The following SLC44A2 variants were observed in gnomAD, a reference collection of about 807,000 sequenced individuals.
SLC44A2 encodes the protein choline transporter-like protein 2.
SLC44A2 carries 57 observed loss-of-function variants against 90.8 expected under a neutral mutation model. The ratio of observed to expected loss-of-function variants is 0.63; its 90% CI spans 0.51 to 0.78. SLC44A2 has a LOEUF of 0.78. SLC44A2 is among the 30% of genes least tolerant of loss of function. The probability of loss-of-function intolerance (pLI) is 0.00; values close to 1 mark genes in which losing one functional copy is unlikely to be tolerated. For missense variants in SLC44A2, 794 were observed against 919.7 expected, an observed-to-expected ratio of 0.86 and a Z score of 1.77; for synonymous variants, 355 against 360.7, an observed-to-expected ratio of 0.98 and a Z score of 0.18.
At chr19:10,616,833 C>T (rs1402628714) in intron 1 of SLC44A2, among the ~76,000 whole-genome samples, 1 of 152,110 alleles carries the variant, frequency 6.6e-6, no homozygotes, top group Non-Finnish European at 1.5e-5. Flanking sequence ...GCCTGTAACT[C>T]CTGGGCTCCA....
At chr19:10,618,305 G>A (rs1184282632) in intron 1 of SLC44A2, among the ~76,000 whole-genome samples, 1 of 151,234 alleles carries the variant, frequency 6.6e-6, no homozygotes, top group Non-Finnish European at 1.5e-5. Context: ...CTCCCGAGTA[G>A]CTGGGACTAC....
intron 1 of SLC44A2, among the ~76,000 whole-genome samples, chr19:10,615,573 CA>C (rs538192367): frequency 0.023 from 2,505 of 106,964 alleles, 68 homozygotes; most frequent in African/African-American, 0.075. Flanking sequence ...GACTCCGTCT[CA>C]AAAAAAAAAA....
At chr19:10,639,991 A>T (rs2067097989) in intron 20 of SLC44A2, among the ~76,000 whole-genome samples, 1 of 150,664 alleles carries the variant, frequency 6.6e-6, no homozygotes, top group African/African-American at 2.4e-5. Context: ...AAGCCCATTG[A>T]CCTAGTTTCT....
At chr19:10,615,442 C>T (rs901937049) in intron 1 of SLC44A2, among the ~76,000 whole-genome samples, 1 of 151,990 alleles carries the variant, frequency 6.6e-6, no homozygotes, top group Non-Finnish European at 1.5e-5. Context: ...GGCATGGTGG[C>T]TCACACCTGA....
chr19:10,625,408 G>A, upstream of SLC44A2: 1 of 1,155,934 alleles, frequency 8.7e-7, no homozygotes, highest in Non-Finnish European at 1.1e-6. Context: ...GCGGCCGGCC[G>A]GTGAGTGGCG....
intron 14 of SLC44A2, chr19:10,635,783 T>C (rs2067048229): frequency 2.8e-6 from 1 of 354,872 alleles, no homozygotes; most frequent in Admixed American, 4.7e-5. Context: ...CTTTTTTTTT[T>C]TTTTTTTTTT....
intron 2 of SLC44A2, among the ~76,000 whole-genome samples, chr19:10,626,701 T>C (rs1286770011): frequency 1.3e-5 from 2 of 151,400 alleles, no homozygotes; most frequent in Admixed American, 6.6e-5. Flanking sequence ...GGATTACAGG[T>C]GTGAGTTACC....
intron 20 of SLC44A2, chr19:10,640,930 C>CA (rs753945744): frequency 8.5e-5 from 18 of 211,722 alleles, no homozygotes; most frequent in Non-Finnish European, 1.4e-4. Context: ...ACTAAAAATA[C>CA]AAAAAAATTA....
chr19:10,641,880 GT>G (rs1347477320), intron 20 of SLC44A2, among the ~76,000 whole-genome samples: 5 of 151,956 alleles, frequency 3.3e-5, no homozygotes, highest in African/African-American at 1.2e-4. Flanking sequence ...AAAAGGCCGG[GT>G]GTGCGGTGGC....
At chr19:10,641,476 T>A in intron 20 of SLC44A2, 1 of 430,500 alleles carries the variant, frequency 2.3e-6, no homozygotes, top group Non-Finnish European at 4.5e-6. Flanking sequence ...ACTTGCTCTT[T>A]GAGCTGAAAG....
chr19:10,613,363 C>T (rs1433767699), intron 1 of SLC44A2, among the ~76,000 whole-genome samples: 1 of 151,996 alleles, frequency 6.6e-6, no homozygotes, highest in African/African-American at 2.4e-5. Flanking sequence ...GATTCTCCTG[C>T]CTCAGCCTCC....
At chr19:10,642,935 C>A in intron 21 of SLC44A2, 1 of 1,595,210 alleles carries the variant, frequency 6.3e-7, no homozygotes, top group Non-Finnish European at 8.5e-7. Context: ...TCAGGAGCGA[C>A]CCTACTTCAT....
At chr19:10,636,621 C>T in intron 15 of SLC44A2, 36 bp downstream of exon 15, 7 of 1,606,588 alleles carry the variant, frequency 4.4e-6, no homozygotes, top group Non-Finnish European at 5.1e-6. Context: ...GGGTGGAGGA[C>T]GAGGCCTGGC....
chr19:10,608,638 AT>A (rs869028590), intron 1 of SLC44A2, among the ~76,000 whole-genome samples: 2 of 143,556 alleles, frequency 1.4e-5, no homozygotes, highest in African/African-American at 5.0e-5. Context: ...GTATATATAT[AT>A]TTTATTTATT....
At chr19:10,615,038 C>T (rs1353930731) in intron 1 of SLC44A2, among the ~76,000 whole-genome samples, 1 of 143,378 alleles carries the variant, frequency 7.0e-6, no homozygotes, top group Non-Finnish European at 1.5e-5. Flanking sequence ...AAAGTAATTG[C>T]GTTTTTTTTT....
intron 11 of SLC44A2, 21 bp from the exon 12 acceptor site, chr19:10,634,953 C>A (rs767479461): frequency 2.0e-5 from 33 of 1,614,046 alleles, no homozygotes; most frequent in Non-Finnish European, 2.7e-5. Flanking sequence ...GCCCAGCCGG[C>A]TCAGCCTTTG....
chr19:10,610,466 G>T (rs1918260063), intron 1 of SLC44A2, among the ~76,000 whole-genome samples: 2 of 149,296 alleles, frequency 1.3e-5, no homozygotes, highest in African/African-American at 4.9e-5. Context: ...CGAGTAGCTG[G>T]GATTACAGGC....
chr19:10,632,196 C>T (rs758442868), intron 10 of SLC44A2, 40 bp downstream of exon 10: 12 of 1,539,478 alleles, frequency 7.8e-6, no homozygotes, highest in South Asian at 1.1e-5. Context: ...TTCCTGAATC[C>T]GCACACTGCC....
At chr19:10,624,991 C>A (rs116353558), upstream of SLC44A2, among the ~76,000 whole-genome samples, 1,367 of 152,140 alleles carry the variant, frequency 9.0e-3, 18 homozygotes, top group African/African-American at 0.031. Flanking sequence ...TAAAAATTAG[C>A]CGAGTGCAGT....
Sources: gnomAD v4.1 joint callset for allele counts (sites outside exome capture counted in the v4.1 genomes callset) on GRCh38, gnomAD v4.1.1 for gene constraint, MANE v1.5 for transcripts, NCBI Gene and HGNC (gene_info 2026-07-23, HGNC 2026-07-21) for gene names.